ABL1: variants seen among roughly 807,000 people sequenced by gnomAD.
ABL1 encodes ABL proto-oncogene 1, non-receptor tyrosine kinase, also known as tyrosine-protein kinase ABL1.
A neutral mutation model predicts 94.7 loss-of-function variants in ABL1; 11 were observed. That is an observed-to-expected ratio of 0.12 (90% confidence interval 0.07 to 0.19). The LOEUF is 0.19. Among genes scored for constraint, ABL1 ranks in the 10% least tolerant of loss-of-function variants. The pLI is 1.00. For missense variants in ABL1, 1,082 were observed against 1,489.4 expected, an observed-to-expected ratio of 0.73 and a Z score of 4.50; for synonymous variants, 656 against 622.4, an observed-to-expected ratio of 1.05 and a Z score of -0.80.
intron 1 of ABL1, among the ~76,000 whole-genome samples, chr9:130,799,043 C>T (rs1017752458): frequency 6.6e-6 from 1 of 151,364 alleles, no homozygotes; most frequent in South Asian, 2.1e-4. Flanking sequence ...TTACACACAC[C>T]ACCCACTCTA....
chr9:130,776,817 C>G (rs774132856), intron 1 of ABL1, among the ~76,000 whole-genome samples: 6 of 152,068 alleles, frequency 3.9e-5, no homozygotes, highest in Non-Finnish European at 7.4e-5. Flanking sequence ...GTCCCAAACC[C>G]CTGGGCTCAA....
At chr9:130,878,625 T>A in intron 8 of ABL1, 58 bp downstream of exon 8, 3 of 1,579,934 alleles carry the variant, frequency 1.9e-6, no homozygotes, top group Non-Finnish European at 2.6e-6. Flanking sequence ...GAAATTCAAC[T>A]GTGCAGGAGT....
intron 1 of ABL1, among the ~76,000 whole-genome samples, chr9:130,753,101 A>G (rs1831988134): frequency 6.6e-6 from 1 of 151,588 alleles, no homozygotes; most frequent in Admixed American, 6.6e-5. Flanking sequence ...CCAAAAATAC[A>G]AAAAAATTAG....
intron 1 of ABL1, chr9:130,724,746 T>TAA: frequency 5.2e-6 from 2 of 383,450 alleles, no homozygotes; most frequent in South Asian, 1.9e-5. Flanking sequence ...AACCCTGTCT[T>TAA]TAAAAAAAAA....
intron 1 of ABL1, among the ~76,000 whole-genome samples, chr9:130,727,702 G>A (rs1479684048): frequency 1.3e-5 from 2 of 148,628 alleles, no homozygotes; most frequent in Non-Finnish European, 1.5e-5. Flanking sequence ...GTTGCAGTGA[G>A]CCGAGATCGC....
intron 1 of ABL1, among the ~76,000 whole-genome samples, chr9:130,717,473 G>T (rs1431454030): frequency 1.3e-5 from 2 of 151,994 alleles, no homozygotes; most frequent in African/African-American, 4.8e-5. Flanking sequence ...GGAGGCCGAG[G>T]CAGGTGGATC....
At chr9:130,860,512 A>T (rs1300143383) in intron 3 of ABL1, among the ~76,000 whole-genome samples, 1 of 152,076 alleles carries the variant, frequency 6.6e-6, no homozygotes, top group Non-Finnish European at 1.5e-5. Flanking sequence ...TCCACTTTGG[A>T]GTGAAGGAAC....
chr9:130,826,190 G>A (rs953463381), intron 1 of ABL1, among the ~76,000 whole-genome samples: 3 of 151,320 alleles, frequency 2.0e-5, no homozygotes, highest in African/African-American at 7.3e-5. Flanking sequence ...GCGCAATTTC[G>A]GCTCACTGCA....
intron 8 of ABL1, among the ~76,000 whole-genome samples, chr9:130,878,874 ATTT>A (rs943552961): frequency 3.9e-5 from 5 of 127,276 alleles, no homozygotes; most frequent in Admixed American, 1.6e-4. Flanking sequence ...TCATGAGGTG[ATTT>A]TTTTTTTTTT....
chr9:130,823,651 G>C (rs762097549), intron 1 of ABL1, among the ~76,000 whole-genome samples: 1 of 152,182 alleles, frequency 6.6e-6, no homozygotes, highest in Non-Finnish European at 1.5e-5. Flanking sequence ...AGGAGAGGGA[G>C]TGCGTGCCTG....
chr9:130,825,439 T>G (rs1830413450), intron 1 of ABL1, among the ~76,000 whole-genome samples: 1 of 152,238 alleles, frequency 6.6e-6, no homozygotes. Context: ...AACAACATTT[T>G]AAACAAAAGG....
At position 130,885,718 on chromosome 9, in the gene ABL1, G is replaced by A. The variant is rs2133041258; in HGVS notation, c.*35G>A. On this transcript the variant is annotated 3_prime_UTR_variant, in exon 11 of 11. Transcript: ENST00000318560. ...GGGGTCAGGTGTCAGGCCCGTCGGAGCTGCCTGCAGCACATGCGGGCTCGC... is the reference window on the plus strand; with the variant it reads ...GGGGTCAGGTGTCAGGCCCGTCGGAACTGCCTGCAGCACATGCGGGCTCGC... 1 of 1,581,874 alleles carries A rather than the reference G, an allele frequency of 6.3e-7. No homozygotes were observed. The highest frequency in any genetic ancestry group is 8.6e-7 in the Non-Finnish European group (1 of 1,163,608).
At chr9:130,715,735 G>C (rs1831428952) in intron 1 of ABL1, among the ~76,000 whole-genome samples, 1 of 152,212 alleles carries the variant, frequency 6.6e-6, no homozygotes, top group African/African-American at 2.4e-5. Flanking sequence ...ATCAGAATTT[G>C]AAATGTACGT....
At chr9:130,833,993 C>A, upstream of ABL1, 1 of 455,904 alleles carries the variant, frequency 2.2e-6, no homozygotes. Context: ...TGTGAAGGGT[C>A]AGCATCATCC....
intron 1 of ABL1, among the ~76,000 whole-genome samples, chr9:130,813,481 A>T (rs1564297921): frequency 6.7e-6 from 1 of 148,930 alleles, no homozygotes; most frequent in African/African-American, 2.5e-5. Context: ...GAATCACTTG[A>T]ACCCGGGAGG....
At chr9:130,753,374 T>G (rs1009364517) in intron 1 of ABL1, among the ~76,000 whole-genome samples, 2 of 152,022 alleles carry the variant, frequency 1.3e-5, no homozygotes, top group Admixed American at 6.6e-5. Flanking sequence ...CAGTGGTGTT[T>G]ACTGTCTTAT....
chr9:130,747,768 G>A (rs1263881798), intron 1 of ABL1, among the ~76,000 whole-genome samples: 1 of 152,066 alleles, frequency 6.6e-6, no homozygotes, highest in Non-Finnish European at 1.5e-5. Flanking sequence ...CTAGGATGAC[G>A]GAGGATAATG....
intron 1 of ABL1, among the ~76,000 whole-genome samples, chr9:130,815,874 T>C (rs1830278911): frequency 6.6e-6 from 1 of 151,890 alleles, no homozygotes; most frequent in South Asian, 2.1e-4. Flanking sequence ...ATACAAAAAT[T>C]AGCTGGGCGT....
intron 1 of ABL1, among the ~76,000 whole-genome samples, chr9:130,747,381 A>C (rs1831901061): frequency 6.6e-6 from 1 of 150,580 alleles, no homozygotes; most frequent in Admixed American, 6.6e-5. Flanking sequence ...GTCTCAAAAA[A>C]CCAAAACAAA....
Sources: gnomAD v4.1 joint callset for allele counts (sites outside exome capture counted in the v4.1 genomes callset) on GRCh38, gnomAD v4.1.1 for gene constraint, MANE v1.5 for transcripts, NCBI Gene and HGNC (gene_info 2026-07-23, HGNC 2026-07-21) for gene names.